Variants in WDR17 observed in about 807,000 individuals in gnomAD.
WDR17 encodes WD repeat domain 17, also known as WD repeat-containing protein 17.
In WDR17, 143 loss-of-function variants were observed where a neutral mutation model predicts 161.7. The ratio of observed to expected loss-of-function variants is 0.88; its 90% confidence interval spans 0.77 to 1.02. The LOEUF is 1.02. WDR17 is among the 50% of genes least tolerant of loss of function. The pLI is 0.00. For synonymous variants in WDR17, 517 were observed against 515.6 expected (o/e 1.00, Z -0.04); for missense variants, 1,469 against 1,520.9 (o/e 0.97, Z 0.57).
At chr4:176,168,477 TTTG>T (rs1411135038) in intron 22 of WDR17, among the ~76,000 whole-genome samples, 192 bp from the exon 23 acceptor site, 1 of 152,200 alleles carries the variant, frequency 6.6e-6, no homozygotes, top group Non-Finnish European at 1.5e-5. Flanking sequence ...TATAAATACA[TTTG>T]TTGTTCATGA....
At chr4:176,098,523 G>A (rs189939537) in intron 1 of WDR17, among the ~76,000 whole-genome samples, 22 of 151,926 alleles carry the variant, frequency 1.4e-4, no homozygotes, top group African/African-American at 5.1e-4. Flanking sequence ...ACTGTTTTCT[G>A]TTTTTAGTAA....
intron 1 of WDR17, among the ~76,000 whole-genome samples, chr4:176,106,738 G>A (rs1293274279): frequency 2.6e-5 from 4 of 152,184 alleles, no homozygotes; most frequent in Non-Finnish European, 5.9e-5. Context: ...ATGATCACTT[G>A]AGGCCAGGAG....
chr4:176,137,645 T>C (rs749645500), intron 9 of WDR17, 34 bp downstream of exon 9: 2 of 1,234,778 alleles, frequency 1.6e-6, no homozygotes, highest in South Asian at 1.7e-5. Flanking sequence ...AATAATATAA[T>C]GTTTTATACT....
intron 1 of WDR17, among the ~76,000 whole-genome samples, chr4:176,091,475 T>C (rs919248756): frequency 6.6e-6 from 1 of 152,108 alleles, no homozygotes; most frequent in South Asian, 2.1e-4. Flanking sequence ...TACCAAAACC[T>C]GTGGGATATA....
chr4:176,094,558 A>G (rs1442825364), intron 1 of WDR17, among the ~76,000 whole-genome samples: 3 of 152,226 alleles, frequency 2.0e-5, no homozygotes, highest in African/African-American at 4.8e-5. Flanking sequence ...GCTTCCAGGC[A>G]AAAAGCCTTG....
chr4:176,104,886 C>G (rs993501318), intron 1 of WDR17, among the ~76,000 whole-genome samples: 1 of 151,638 alleles, frequency 6.6e-6, no homozygotes, highest in Admixed American at 6.6e-5. Context: ...AGTCCTTTAT[C>G]AGGAATTATT....
Position 176,101,718 on chromosome 4 carries a change from A to G in WDR17, c.-6-9857A>G, listed in dbSNP as rs146658075. Among the ~76,000 whole-genome samples, 25 of 152,270 alleles carry G rather than the reference A, an allele frequency of 1.6e-4. 1 individual carries two copies. The East Asian group carries it at 4.8e-3, about 29-fold the overall frequency. On this transcript the variant is annotated intron_variant, in intron 1 of 28. Coordinates refer to ENST00000508596, the MANE Select transcript of WDR17 (RefSeq NM_181265.4). The stretch of plus-strand genomic sequence containing the variant: ...AACAGAATAGAGGGCTTAGAAATAG[A>G]TCCACATAAATATACTCAACTGATA...
intron 1 of WDR17, among the ~76,000 whole-genome samples, chr4:176,078,790 G>A (rs1734381205): frequency 2.0e-5 from 3 of 151,532 alleles, no homozygotes; most frequent in African/African-American, 7.3e-5. Flanking sequence ...TATTTATGGG[G>A]CACATATTTA....
chr4:176,110,215 C>A (rs918962796), intron 1 of WDR17, among the ~76,000 whole-genome samples: 1 of 152,112 alleles, frequency 6.6e-6, no homozygotes, highest in Non-Finnish European at 1.5e-5. Context: ...CATCTCTGCT[C>A]ACTGCAAGCT....
At chr4:176,067,966 A>G (rs1732733413) in intron 1 of WDR17, among the ~76,000 whole-genome samples, 1 of 152,250 alleles carries the variant, frequency 6.6e-6, no homozygotes, top group Non-Finnish European at 1.5e-5. Context: ...TTGCCTAAAT[A>G]CTTTAATGAC....
At chr4:176,135,862 C>G (rs931242638) in intron 8 of WDR17, among the ~76,000 whole-genome samples, 4 of 151,552 alleles carry the variant, frequency 2.6e-5, no homozygotes, top group Non-Finnish European at 5.9e-5. Flanking sequence ...ATGAATTTTT[C>G]ACTTTTAAAG....
intron 1 of WDR17, among the ~76,000 whole-genome samples, chr4:176,086,106 G>A (rs1351731702): frequency 1.3e-5 from 2 of 151,868 alleles, no homozygotes; most frequent in African/African-American, 2.4e-5. Flanking sequence ...TGTGGATTTT[G>A]TAGTTTTATT....
intron 9 of WDR17, among the ~76,000 whole-genome samples, chr4:176,138,549 C>T (rs1744760951): frequency 1.3e-5 from 2 of 151,708 alleles, no homozygotes; most frequent in East Asian, 3.9e-4. Flanking sequence ...TAGCAATGCC[C>T]CAACCTGCCA....
In WDR17 at chr4:176,150,448, A is replaced by G; in HGVS notation, c.2179-20A>G. The stretch of plus-strand genomic sequence containing the variant: ...GTTTTTAATTCACTATTCCATATTT[A>G]TTTTTTGTCAACTCTTTAGCCTCCA... On this transcript the variant is annotated intron_variant, in intron 15 of 28. Coordinates refer to ENST00000508596, the MANE Select transcript of WDR17 (RefSeq NM_181265.4). 2 of 1,586,458 alleles carry G rather than the reference A, an allele frequency of 1.3e-6. No individual in the cohort carries two copies. The highest frequency in any genetic ancestry group is 8.5e-7 in the Non-Finnish European group (1 of 1,171,856).
rs1393942677 is a variant in WDR17 at position 176,168,669 on chromosome 4, C to T, written c.2991-3C>T. ...GAAGTGTCCCCTTTTGTTACGTTAACAGGAATTTGGCAGCTGATCTTCTTC... is the reference window on the plus strand; with the variant it reads ...GAAGTGTCCCCTTTTGTTACGTTAATAGGAATTTGGCAGCTGATCTTCTTC... On this transcript the variant is annotated splice_region_variant and splice_polypyrimidine_tract_variant and intron_variant, in intron 22 of 28. Transcript: ENST00000508596. 3 of 1,613,210 alleles carry T rather than the reference C, an allele frequency of 1.9e-6. No homozygotes were observed. Among genetic ancestry groups the T allele is most frequent in the Non-Finnish European group, 2.5e-6 (3 of 1,179,694 alleles).
In WDR17 at chr4:176,146,070, G is replaced by C; in HGVS notation, c.1605G>C (p.Leu535Phe). The change falls in exon 12 of 29, where the codon TTG (leucine) becomes TTC (phenylalanine). Residue 535 changes from leucine to phenylalanine, a missense_variant. Coordinates refer to ENST00000508596, the MANE Select transcript of WDR17 (RefSeq NM_181265.4). The part of the protein sequence containing the change: ...YYVATSSDQP[L>F]KVFSGHTAKV... Reference sequence around the variant, plus strand: ...TAGCCACCAGCTCAGATCAACCATTGAAAGTATTTAGTGGGCATACAGCAA... The same window carrying C: ...TAGCCACCAGCTCAGATCAACCATTCAAAGTATTTAGTGGGCATACAGCAA... 5 of 1,613,982 alleles carry C rather than the reference G, an allele frequency of 3.1e-6. No individual in the cohort carries two copies. The highest frequency in any genetic ancestry group is 4.2e-6 in the Non-Finnish European group (5 of 1,179,944).
Position 176,131,752 on chromosome 4 carries a change from C to A in WDR17, c.1098+14C>A. The A allele has an allele frequency of 1.3e-6, 2 of 1,580,604 alleles. No homozygotes were observed. The highest frequency in any genetic ancestry group is 1.2e-5 in the South Asian group (1 of 84,610). On this transcript the variant is annotated intron_variant, in intron 7 of 28. Coordinates refer to ENST00000508596, the MANE Select transcript of WDR17 (RefSeq NM_181265.4). ...CTTAGAGACTTGGTATGTATGTAGTCATTCCTTTATTATACATAATAGTTT... is the reference window on the plus strand; with the variant it reads ...CTTAGAGACTTGGTATGTATGTAGTAATTCCTTTATTATACATAATAGTTT...
chr4:176,123,336 C>T (rs1741902564), intron 4 of WDR17, among the ~76,000 whole-genome samples: 1 of 152,140 alleles, frequency 6.6e-6, no homozygotes. Context: ...GCGGTCACCT[C>T]TACAGCAGAC....
intron 1 of WDR17, among the ~76,000 whole-genome samples, chr4:176,070,554 C>T (rs1733093161): frequency 6.6e-6 from 1 of 151,800 alleles, no homozygotes; most frequent in Admixed American, 6.6e-5. Flanking sequence ...GAGACAGGGT[C>T]TCCTGCTGGA....
Sources: allele counts gnomAD v4.1 joint callset (sites outside exome capture counted in the v4.1 genomes callset), GRCh38; gene constraint gnomAD v4.1.1; transcripts MANE v1.5; gene names NCBI Gene and HGNC (gene_info 2026-07-23, HGNC 2026-07-21).